The following FBRSL1 variants were observed in gnomAD, a reference collection of about 807,000 sequenced individuals.
The protein encoded by FBRSL1 is fibrosin like 1.
Under a neutral mutation model 89.6 loss-of-function variants are expected in FBRSL1, and 51 were observed. The observed-to-expected ratio is 0.57, with a 90% CI of 0.45 to 0.72. FBRSL1 has a LOEUF of 0.72. FBRSL1 is among the 30% of genes least tolerant of loss of function. The pLI, the probability that FBRSL1 is intolerant of heterozygous loss-of-function variation, is 0.00. For missense variants in FBRSL1, 1,618 were observed against 1,451.8 expected, an observed-to-expected ratio of 1.11 and a Z score of -1.86; for synonymous variants, 779 against 681.1, an observed-to-expected ratio of 1.14 and a Z score of -2.24.
intron 5 of FBRSL1, among the ~76,000 whole-genome samples, chr12:132,557,645 A>T (rs1009837971): frequency 2.6e-5 from 4 of 152,184 alleles, no homozygotes; most frequent in African/African-American, 9.7e-5. Flanking sequence ...TTCTCCTGTG[A>T]TTCCAGTGGT....
rs536984444 is a variant in FBRSL1 at position 132,546,551 on chromosome 12, G to C, written c.616-1452G>C. ...GGGCTTGGCCACGGCTGAAAGGCCA[G>C]ACCGGGGGGACCCTAGGAGAGGGCT... On this transcript the variant is annotated intron_variant, in intron 4 of 18. Coordinates refer to ENST00000680143, the MANE Select transcript of FBRSL1 (RefSeq NM_001367871.1). This position sits in a 1 kb window ranked among gnomAD's most constrained non-coding sequence, Gnocchi z 4.0. Among the ~76,000 whole-genome samples the C allele has an allele frequency of 6.6e-5, 10 of 151,578 alleles. No homozygotes were observed. Among genetic ancestry groups the C allele is most frequent in the Admixed American group, 5.2e-4 (8 of 15,246 alleles).
intron 4 of FBRSL1, among the ~76,000 whole-genome samples, chr12:132,544,900 T>C (rs1454302133): frequency 1.3e-5 from 2 of 152,138 alleles, no homozygotes; most frequent in Non-Finnish European, 2.9e-5. Context: ...GATACTGTCA[T>C]GTGTATAATG....
intron 15 of FBRSL1, among the ~76,000 whole-genome samples, chr12:132,577,884 G>A (rs771561053): frequency 1.3e-5 from 2 of 152,194 alleles, no homozygotes; most frequent in Non-Finnish European, 2.9e-5. Context: ...CAGCCTGCAC[G>A]GTGCACGCCT....
intron 1 of FBRSL1, 123 bp downstream of exon 1, chr12:132,490,984 G>GC (rs2030804964): frequency 2.5e-6 from 2 of 786,590 alleles, no homozygotes; most frequent in Non-Finnish European, 3.2e-6. Context: ...CCTGAGGGAA[G>GC]CCCCGGCCAC....
rs542310107 is a variant in FBRSL1 at position 132,559,530 on chromosome 12, C to CACAG, written c.646-7950_646-7947dup. On this transcript the variant is annotated intron_variant, in intron 5 of 18. Transcript: ENST00000680143. ...CCTCAGCCTCCCCAGTAGCTGGGGC[C>CACAG]ACAGGCGCGTGCCGCCACCTCCGGC... Among the ~76,000 whole-genome samples the CACAG allele has an allele frequency of 5.5e-4, 84 of 152,262 alleles. 2 individuals carry two copies. In the South Asian group the frequency reaches 0.017, roughly 31 times the overall value.
At chr12:132,576,196 C>CTTTTTTTTTTTTT (rs916746441) in intron 14 of FBRSL1, among the ~76,000 whole-genome samples, 1 of 125,010 alleles carries the variant, frequency 8.0e-6, no homozygotes, top group Non-Finnish European at 1.7e-5. Flanking sequence ...TTTTCAGTTT[C>CTTTTTTTTTTTTT]TTTTTTTTTT....
intron 1 of FBRSL1, among the ~76,000 whole-genome samples, chr12:132,492,179 C>T (rs757868785): frequency 5.3e-5 from 8 of 152,200 alleles, no homozygotes; most frequent in African/African-American, 1.2e-4. Flanking sequence ...CCAGAGCTGT[C>T]GCCACCCACC....
intron 11 of FBRSL1, 43 bp from the exon 12 acceptor site, chr12:132,574,047 G>C: frequency 8.3e-7 from 1 of 1,211,030 alleles, no homozygotes; most frequent in Non-Finnish European, 1.0e-6. Flanking sequence ...CCTCCTGCCT[G>C]GGCGGCCCCA....
chr12:132,505,651 G>A (rs542845441), intron 1 of FBRSL1, among the ~76,000 whole-genome samples: 6 of 152,216 alleles, frequency 3.9e-5, no homozygotes, highest in South Asian at 2.1e-4. Context: ...TGGGTGCAGC[G>A]GTGGGGCTGG....
intron 15 of FBRSL1, among the ~76,000 whole-genome samples, chr12:132,578,352 C>A (rs1018065991): frequency 6.6e-6 from 1 of 151,752 alleles, no homozygotes; most frequent in Non-Finnish European, 1.5e-5. Context: ...CTCACACACA[C>A]ACACACACAC....
Position 132,581,473 on chromosome 12 carries a change from C to T in FBRSL1, c.1869C>T (p.Pro623=), listed in dbSNP as rs534774874. 1.9e-6 allele frequency: 3 copies of T among 1,551,130 alleles called. No homozygotes were observed. The highest frequency in any genetic ancestry group is 2.4e-5 in the East Asian group (1 of 40,926). ...ATCCTGCCTCCAACCCATTTGGACC[C>T]TCAGCCCATCCTGGCAGCTTCCTGC... ...AAHPASNPFG[P]SAHPGSFLPT... is the part of the protein sequence containing the mutation. The change falls in exon 16 of 19, where the codon CCC becomes CCT. Residue 623 remains proline (P), a synonymous_variant. Coordinates refer to ENST00000680143, the MANE Select transcript of FBRSL1 (RefSeq NM_001367871.1).
chr12:132,550,593 G>A (rs2038077182), intron 5 of FBRSL1: 1 of 152,358 alleles, frequency 6.6e-6, no homozygotes, highest in South Asian at 2.1e-4. Flanking sequence ...TGCTCTGAGG[G>A]GTGTGTCCCA....
chr12:132,581,891 G>A, intron 17 of FBRSL1, 67 bp downstream of exon 17: 5 of 1,415,518 alleles, frequency 3.5e-6, no homozygotes, highest in Non-Finnish European at 3.8e-6. Flanking sequence ...TGTGTCCTCT[G>A]CAGGAACCCC....
At chr12:132,560,518 G>C (rs1395752535) in intron 5 of FBRSL1, among the ~76,000 whole-genome samples, 1 of 151,962 alleles carries the variant, frequency 6.6e-6, no homozygotes, top group Non-Finnish European at 1.5e-5. Flanking sequence ...CTTTGTCTGC[G>C]CCCAGGTGCG....
rs1290982883 is a variant in FBRSL1, at chr12:132,582,237, G to A, written c.2172G>A (p.Glu724=). The change falls in exon 18 of 19, where the codon GAG becomes GAA. Residue 724 remains glutamate, a synonymous_variant. Transcript: ENST00000680143. The stretch of plus-strand genomic sequence containing the variant: ...CAGCCCTGACCAACCATGACCGAGA[G>A]CCGGACAATGGCAAGGAGGAGCAGG... ...RVSALTNHDR[E]PDNGKEEQER... 5 of 1,550,074 alleles carry A rather than the reference G, an allele frequency of 3.2e-6. No individual in the cohort carries two copies. The Admixed American group carries it at 9.8e-5, about 30-fold the overall frequency.
At chr12:132,510,918 G>A (rs2034261361) in intron 2 of FBRSL1, 1 of 999,478 alleles carries the variant, frequency 1.0e-6, no homozygotes, top group Admixed American at 6.0e-5. Flanking sequence ...TGCCACCTGT[G>A]CGGAGCGCGT....
intron 4 of FBRSL1, among the ~76,000 whole-genome samples, chr12:132,537,436 G>A (rs1163806069): frequency 6.6e-6 from 1 of 152,074 alleles, no homozygotes; most frequent in Admixed American, 6.6e-5. Flanking sequence ...GCTGTGGTGG[G>A]TCCTCCCTGG....
At chr12:132,580,127 C>CA (rs2040644573) in intron 15 of FBRSL1, among the ~76,000 whole-genome samples, 1 of 152,114 alleles carries the variant, frequency 6.6e-6, no homozygotes, top group Non-Finnish European at 1.5e-5. Flanking sequence ...CTTGCTGTGT[C>CA]GCCAGGCTGG....
Position 132,498,859 on chromosome 12 carries a change from A to C in FBRSL1, c.291+7998A>C, listed in dbSNP as rs1396338405. ...TGCAGCTACCCTGTGTGATGCGTGG[A>C]AACTGAGGCTTGGCCATGGTACTCA... On this transcript the variant is annotated intron_variant, in intron 1 of 18. Transcript: ENST00000680143. Among the ~76,000 whole-genome samples, 7 of 152,326 alleles carry C rather than the reference A, an allele frequency of 4.6e-5. No individual in the cohort carries two copies. The East Asian group carries it at 1.4e-3, about 29-fold the overall frequency.
Sources: allele counts gnomAD v4.1 joint callset (sites outside exome capture counted in the v4.1 genomes callset), GRCh38; gene constraint gnomAD v4.1.1; non-coding constraint Gnocchi (gnomAD v3.1); transcripts MANE v1.5; gene names NCBI Gene and HGNC (gene_info 2026-07-23, HGNC 2026-07-21).